The following PARN variants were observed in gnomAD, a reference collection of about 807,000 sequenced individuals.
PARN encodes the protein poly(A)-specific ribonuclease.
A neutral mutation model predicts 102.8 loss-of-function variants in PARN; 71 were observed. The observed-to-expected ratio is 0.69, with a 90% confidence interval of 0.57 to 0.84. The LOEUF is 0.84. Ranked by LOEUF, PARN falls within the 40% of genes least tolerant of loss-of-function variation. PARN has a pLI of 0.00. For missense variants in PARN, 782 were observed against 760.9 expected (o/e 1.03, Z -0.33); for synonymous variants, 261 against 252.9 (o/e 1.03, Z -0.30).
chr16:14,452,948 A>C (rs1006973043), intron 22 of PARN, among the ~76,000 whole-genome samples: 8 of 152,196 alleles, frequency 5.3e-5, no homozygotes, highest in Non-Finnish European at 1.2e-4. Flanking sequence ...TATATTTGGA[A>C]GGTACTGCTG....
intron 16 of PARN, among the ~76,000 whole-genome samples, chr16:14,584,138 AC>A (rs1303090377): frequency 6.6e-6 from 1 of 152,212 alleles, no homozygotes; most frequent in Non-Finnish European, 1.5e-5. Flanking sequence ...ATGAATGGCT[AC>A]CCAACTCCAT....
chr16:14,530,138 C>G (rs1966242681), intron 21 of PARN, among the ~76,000 whole-genome samples: 1 of 152,206 alleles, frequency 6.6e-6, no homozygotes, highest in Admixed American at 6.5e-5. Flanking sequence ...GCAAGGTGGA[C>G]AGAGAGAGGA....
At chr16:14,528,772 A>G (rs370805522) in intron 21 of PARN, among the ~76,000 whole-genome samples, 2 of 152,262 alleles carry the variant, frequency 1.3e-5, no homozygotes, top group African/African-American at 4.8e-5. Context: ...AGGTTACATC[A>G]AACACCACCG....
intron 21 of PARN, among the ~76,000 whole-genome samples, chr16:14,515,093 C>A (rs1965396611): frequency 6.6e-6 from 1 of 152,182 alleles, no homozygotes; most frequent in African/African-American, 2.4e-5. Context: ...TGTCACTGTG[C>A]TGGTTACTCA....
intron 21 of PARN, among the ~76,000 whole-genome samples, chr16:14,545,067 A>G (rs1000826675): frequency 6.6e-6 from 1 of 152,266 alleles, no homozygotes; most frequent in African/African-American, 2.4e-5. Context: ...GTGTGTCTGC[A>G]GTCCCAGCTA....
chr16:14,541,517 C>T (rs950362744), intron 21 of PARN, among the ~76,000 whole-genome samples: 15 of 152,130 alleles, frequency 9.9e-5, no homozygotes, highest in Non-Finnish European at 1.9e-4. Flanking sequence ...GCTCTGTCAC[C>T]CAGGCTGGAG....
chr16:14,466,223 TGG>T (rs1962340763), intron 22 of PARN, among the ~76,000 whole-genome samples: 1 of 152,126 alleles, frequency 6.6e-6, no homozygotes, highest in Non-Finnish European at 1.5e-5. Flanking sequence ...GAATTGAAAG[TGG>T]TTGTCTCTGA....
intron 21 of PARN, among the ~76,000 whole-genome samples, chr16:14,538,967 T>C (rs1966736074): frequency 6.6e-6 from 1 of 152,122 alleles, no homozygotes; most frequent in Admixed American, 6.6e-5. Context: ...TCTGTCACTG[T>C]CTCCCATCAC....
At chr16:14,458,207 T>C (rs922251733) in intron 22 of PARN, among the ~76,000 whole-genome samples, 5 of 152,166 alleles carry the variant, frequency 3.3e-5, no homozygotes, top group Non-Finnish European at 5.9e-5. Flanking sequence ...AAATGTAAAA[T>C]ATATTATCAA....
chr16:14,547,726 A>G (rs561306927), intron 21 of PARN, among the ~76,000 whole-genome samples: 1 of 152,244 alleles, frequency 6.6e-6, no homozygotes, highest in East Asian at 1.9e-4. Flanking sequence ...AAAGTCAAAA[A>G]TGGCTTTAAA....
intron 2 of PARN, among the ~76,000 whole-genome samples, chr16:14,629,380 T>C (rs1040705247): frequency 6.6e-6 from 1 of 152,210 alleles, no homozygotes; most frequent in South Asian, 2.1e-4. Context: ...ATCATCTCTA[T>C]CTGAGATCCT....
intron 15 of PARN, 77 bp from the exon 16 acceptor site, chr16:14,584,499 C>CA (rs374880534): frequency 8.7e-5 from 102 of 1,178,584 alleles, no homozygotes; most frequent in Middle Eastern, 1.9e-4. Context: ...CTGACCCCCC[C>CA]AAAAAAAAGA....
chr16:14,448,408 A>G (rs369860144), intron 22 of PARN, among the ~76,000 whole-genome samples: 1 of 152,006 alleles, frequency 6.6e-6, no homozygotes, highest in African/African-American at 2.4e-5. Context: ...TGGCCTCCCA[A>G]AGTGCTGGGA....
intron 21 of PARN, among the ~76,000 whole-genome samples, chr16:14,541,119 C>CTTTTTT (rs34336313): frequency 7.9e-6 from 1 of 126,310 alleles, no homozygotes. Flanking sequence ...GGCGAAACAT[C>CTTTTTT]TTTTTTTTTT....
intron 22 of PARN, among the ~76,000 whole-genome samples, chr16:14,473,538 T>C (rs1175137245): frequency 1.3e-5 from 2 of 152,136 alleles, no homozygotes; most frequent in African/African-American, 4.8e-5. Context: ...TCCTTAGCTA[T>C]AGAACCTAGA....
chr16:14,629,355 A>G lies in PARN; in HGVS notation c.97+242T>C, dbSNP rs538891272. 3.3e-5 allele frequency among the ~76,000 whole-genome samples: 5 copies of G among 152,380 alleles called. No individual in the cohort carries two copies. The East Asian group carries it at 9.6e-4, about 29-fold the overall frequency. The stretch of plus-strand genomic sequence containing the variant: ...GCAATGTACACGCCGCACTGTTTTA[A>G]GCAGCATCAAAACCATCATCTCTAT... On this transcript the variant is annotated intron_variant, in intron 2 of 23. Coordinates refer to ENST00000437198, the MANE Select transcript of PARN (RefSeq NM_002582.4).
intron 21 of PARN, among the ~76,000 whole-genome samples, chr16:14,538,520 C>T (rs759227335): frequency 3.9e-5 from 6 of 152,012 alleles, no homozygotes; most frequent in Non-Finnish European, 7.4e-5. Context: ...CACGCCTGGC[C>T]TTTTTTTCAC....
intron 21 of PARN, among the ~76,000 whole-genome samples, chr16:14,526,254 GCAAGC>G (rs1172209362): frequency 6.7e-6 from 1 of 149,836 alleles, no homozygotes; most frequent in Admixed American, 6.7e-5. Flanking sequence ...TCGGCTCACT[GCAAGC>G]TCCGCCTCCC....
chr16:14,523,871 A>G (rs1965863342), intron 21 of PARN, among the ~76,000 whole-genome samples: 1 of 151,974 alleles, frequency 6.6e-6, no homozygotes, highest in Non-Finnish European at 1.5e-5. Flanking sequence ...CTGTGTGAAC[A>G]CCATAGGGAG....
Sources: allele counts gnomAD v4.1 joint callset (sites outside exome capture counted in the v4.1 genomes callset), GRCh38; gene constraint gnomAD v4.1.1; transcripts MANE v1.5; gene names NCBI Gene and HGNC (gene_info 2026-07-23, HGNC 2026-07-21).